Variants in LRP1B observed in about 807,000 individuals in gnomAD.
The protein encoded by LRP1B is LDL receptor related protein 1B.
In LRP1B, 217 loss-of-function variants were observed where a neutral mutation model predicts 556.6. The ratio of observed to expected loss-of-function variants is 0.39; its 90% CI spans 0.35 to 0.44. The LOEUF (loss-of-function observed/expected upper bound fraction) is 0.44. Ranked by LOEUF, LRP1B falls within the 20% of genes least tolerant of loss-of-function variation. The pLI is 1.00. For synonymous variants in LRP1B, 2,047 were observed against 1,865.8 expected, an observed-to-expected ratio of 1.10 and a Z score of -2.50; for missense variants, 5,053 against 5,620.8, an observed-to-expected ratio of 0.90 and a Z score of 3.23.
rs568341420 is a variant in LRP1B, at chr2:141,583,056, T to C, written c.206-102523A>G. 2.2e-4 allele frequency among the ~76,000 whole-genome samples: 33 copies of C among 152,194 alleles called. No homozygotes were observed. In the South Asian group the frequency reaches 6.8e-3, roughly 32 times the overall value. ...TTTCACCGTGTTAGCCAGGATGGTC[T>C]GGATTGCCTGACCTCGTGATCCGCC... is the stretch of plus-strand genomic sequence containing the variant. On this transcript the variant is annotated intron_variant, in intron 2 of 90. Coordinates refer to ENST00000389484, the MANE Select transcript of LRP1B (RefSeq NM_018557.3).
chr2:140,309,682 AATT>A (rs1276234641), intron 83 of LRP1B, among the ~76,000 whole-genome samples: 1 of 151,804 alleles, frequency 6.6e-6, no homozygotes, highest in East Asian at 1.9e-4. Context: ...TTTCTAATAT[AATT>A]ATTGTTGCTA....
At chr2:140,929,146 A>T (rs1352563908) in intron 20 of LRP1B, among the ~76,000 whole-genome samples, 1 of 152,134 alleles carries the variant, frequency 6.6e-6, no homozygotes, top group Non-Finnish European at 1.5e-5. Flanking sequence ...GTTTCAGTGG[A>T]GTCCAGATGC....
At chr2:141,486,214 C>T (rs888387644) in intron 2 of LRP1B, among the ~76,000 whole-genome samples, 9 of 152,068 alleles carry the variant, frequency 5.9e-5, no homozygotes, top group African/African-American at 2.2e-4. Flanking sequence ...ATTATATCAA[C>T]ATATGAGGCT....
At chr2:141,115,506 G>C (rs1311246275) in intron 7 of LRP1B, among the ~76,000 whole-genome samples, 35 of 137,128 alleles carry the variant, frequency 2.6e-4, no homozygotes, top group African/African-American at 9.0e-4. Flanking sequence ...ACCCAGACTG[G>C]AGTGCAATGT....
chr2:140,635,233 T>C (rs565034734), intron 41 of LRP1B, among the ~76,000 whole-genome samples: 8 of 152,186 alleles, frequency 5.3e-5, no homozygotes, highest in South Asian at 2.1e-4. Context: ...ATATACCACA[T>C]AGAGTTACTG....
intron 2 of LRP1B, among the ~76,000 whole-genome samples, chr2:141,657,449 C>T (rs2105389274): frequency 6.6e-6 from 1 of 152,178 alleles, no homozygotes; most frequent in East Asian, 1.9e-4. Context: ...TTATGAATAG[C>T]AATTGCCATT....
At chr2:140,297,460 G>T (rs566675554) in intron 84 of LRP1B, among the ~76,000 whole-genome samples, 19 of 152,184 alleles carry the variant, frequency 1.2e-4, no homozygotes, top group African/African-American at 4.1e-4. Flanking sequence ...TTCTTCAGTT[G>T]CATTCGCCTA....
At chr2:141,095,560 C>G (rs1239272335) in intron 7 of LRP1B, among the ~76,000 whole-genome samples, 2 of 151,366 alleles carry the variant, frequency 1.3e-5, no homozygotes, top group Non-Finnish European at 2.9e-5. Context: ...TCTTTCATTT[C>G]TATCTTATCT....
intron 2 of LRP1B, among the ~76,000 whole-genome samples, chr2:141,766,555 C>A (rs1694738492): frequency 6.6e-6 from 1 of 152,128 alleles, no homozygotes; most frequent in South Asian, 2.1e-4. Context: ...AAAATGATAG[C>A]AGTCTTTCAG....
intron 63 of LRP1B, among the ~76,000 whole-genome samples, chr2:140,447,045 A>G (rs746553126): frequency 1.3e-5 from 2 of 152,140 alleles, no homozygotes; most frequent in Non-Finnish European, 2.9e-5. Context: ...CAAATGGCCA[A>G]CTGGTATATT....
At chr2:142,117,940 A>G (rs1179501636) in intron 1 of LRP1B, among the ~76,000 whole-genome samples, 2 of 152,110 alleles carry the variant, frequency 1.3e-5, no homozygotes, top group Non-Finnish European at 2.9e-5. Context: ...GATCAGTCAA[A>G]TATGTCTGAG....
chr2:141,888,059 G>T (rs1186226733), intron 1 of LRP1B, among the ~76,000 whole-genome samples: 1 of 152,078 alleles, frequency 6.6e-6, no homozygotes, highest in East Asian at 1.9e-4. Context: ...ACTCTGAAAT[G>T]ATGACTTTTT....
chr2:141,701,918 G>A (rs567065988), intron 2 of LRP1B, among the ~76,000 whole-genome samples: 1 of 151,804 alleles, frequency 6.6e-6, no homozygotes, highest in Admixed American at 6.6e-5. Context: ...AAATGTGATT[G>A]TCCCAATCCT....
chr2:141,772,504 C>T (rs148329907), intron 2 of LRP1B, among the ~76,000 whole-genome samples: 4 of 152,224 alleles, frequency 2.6e-5, no homozygotes, highest in East Asian at 3.9e-4. Context: ...AATTCCCAGG[C>T]GCTTCCCAAG....
In LRP1B at chr2:140,776,033, A is replaced by G. The variant is rs1689483680; in HGVS notation, c.5500+65T>C. 1.9e-5 allele frequency: 24 copies of G among 1,252,538 alleles called. No homozygotes were observed. The South Asian group carries it at 3.4e-4, about 17-fold the overall frequency. The allele number at this position is 1,252,538 out of a possible 1,614,324, so 77.6% of individuals were successfully genotyped here. ...GAAACCTTTTATTGTTGAATTGAGG[A>G]GCTAATATAAAAAAGAGCACATTAC... On this transcript the variant is annotated intron_variant, in intron 33 of 90. Transcript: ENST00000389484.
In LRP1B at chr2:141,517,029, A is replaced by AAAAAAAAAAACAAAAAAAC. The variant is rs772472942; in HGVS notation, c.206-36497_206-36496insGTTTTTTTGTTTTTTTTTT. Among the ~76,000 whole-genome samples, 2 of 90,176 alleles carry AAAAAAAAAAACAAAAAAAC rather than the reference A, an allele frequency of 2.2e-5. 1 individual carries two copies. Among genetic ancestry groups the AAAAAAAAAAACAAAAAAAC allele is most frequent in the South Asian group, 8.6e-4 (2 of 2,336 alleles). 59.2% of individuals were successfully genotyped at this position (90,176 alleles called of 152,430 possible). A position where few individuals can be genotyped will look rare whatever the true frequency, so the allele number is the denominator to read the frequency against. ...TAAAAAAAAAAAAAAAAAAAAAAAA[A>AAAAAAAAAAACAAAAAAAC]AAAGTAAATCAATGAAATAATTTAA... On this transcript the variant is annotated intron_variant, in intron 2 of 90. Coordinates refer to ENST00000389484, the MANE Select transcript of LRP1B (RefSeq NM_018557.3).
chr2:140,922,962 T>C lies in LRP1B; in HGVS notation c.3319+3A>G, dbSNP rs185804169. ...ATAGAAGCCAAAAGCAATGTTCACT[T>C]ACCTGTACTCCAACAGGAAAACTTG... On this transcript the variant is annotated splice_donor_region_variant and intron_variant, in intron 21 of 90. Coordinates refer to ENST00000389484, the MANE Select transcript of LRP1B (RefSeq NM_018557.3). 308 of 1,611,534 alleles carry C rather than the reference T, an allele frequency of 1.9e-4. No individual in the cohort carries two copies. The highest frequency in any genetic ancestry group is 1.4e-3 in the African/African-American group (103 of 74,900).
chr2:140,525,062 T>G (rs1690371593), intron 49 of LRP1B, among the ~76,000 whole-genome samples: 1 of 151,896 alleles, frequency 6.6e-6, no homozygotes, highest in Admixed American at 6.6e-5. Context: ...TAAACTTTTG[T>G]GTAAAATACT....
chr2:140,247,234 C>A, intron 86 of LRP1B, 72 bp from the exon 87 acceptor site: 3 of 1,032,556 alleles, frequency 2.9e-6, no homozygotes, highest in Non-Finnish European at 4.5e-6. Flanking sequence ...AATGTAGTAA[C>A]TTTAACCAAA....
Sources: allele counts gnomAD v4.1 joint callset (sites outside exome capture counted in the v4.1 genomes callset), GRCh38; gene constraint gnomAD v4.1.1; transcripts MANE v1.5; gene names NCBI Gene and HGNC (gene_info 2026-07-23, HGNC 2026-07-21).